The following STXBP5L variants were observed in gnomAD, a reference collection of about 807,000 sequenced individuals.
STXBP5L encodes the protein syntaxin-binding protein 5-like.
Under a neutral mutation model 144.5 loss-of-function variants are expected in STXBP5L, and 65 were observed. The ratio of observed to expected loss-of-function variants is 0.45; its 90% CI spans 0.37 to 0.55. STXBP5L has a LOEUF of 0.55. Ranked by LOEUF, STXBP5L falls within the 20% of genes least tolerant of loss-of-function variation. STXBP5L has a pLI of 0.00. For missense variants in STXBP5L, 1,298 were observed against 1,405.5 expected (o/e 0.92, Z 1.22); for synonymous variants, 505 against 469.6 (o/e 1.08, Z -0.97).
intron 9 of STXBP5L, among the ~76,000 whole-genome samples, chr3:121,197,198 T>A (rs2047954700): frequency 6.6e-6 from 1 of 152,172 alleles, no homozygotes; most frequent in Admixed American, 6.6e-5. Context: ...TATTTCCATG[T>A]TATGTCCTTT....
intron 2 of STXBP5L, among the ~76,000 whole-genome samples, chr3:120,928,555 C>T (rs1709760242): frequency 6.6e-6 from 1 of 152,100 alleles, no homozygotes; most frequent in South Asian, 2.1e-4. Context: ...GCCACCGCAC[C>T]TGGCCTAAAT....
intron 20 of STXBP5L, among the ~76,000 whole-genome samples, chr3:121,321,805 A>G (rs538974557): frequency 6.6e-6 from 1 of 152,266 alleles, no homozygotes; most frequent in Non-Finnish European, 1.5e-5. Flanking sequence ...TAGGCAAACC[A>G]GAAACCAGTA....
At chr3:121,202,194 A>G (rs1018840119) in intron 9 of STXBP5L, among the ~76,000 whole-genome samples, 3 of 152,190 alleles carry the variant, frequency 2.0e-5, no homozygotes, top group Admixed American at 1.3e-4. Context: ...TTGACAAAAA[A>G]TGTAGATCAA....
intron 3 of STXBP5L, among the ~76,000 whole-genome samples, chr3:120,991,562 C>G (rs1227329503): frequency 6.6e-6 from 1 of 152,162 alleles, no homozygotes; most frequent in African/African-American, 2.4e-5. Context: ...TTCACAATAG[C>G]AAAGACTTGG....
chr3:121,003,712 C>G (rs1471260935), intron 3 of STXBP5L, among the ~76,000 whole-genome samples: 1 of 152,122 alleles, frequency 6.6e-6, no homozygotes, highest in Non-Finnish European at 1.5e-5. Context: ...TTTAATCCAT[C>G]TTGAATTAAT....
At chr3:120,923,880 T>C (rs1045603585) in intron 2 of STXBP5L, among the ~76,000 whole-genome samples, 57 of 152,118 alleles carry the variant, frequency 3.7e-4, no homozygotes, top group African/African-American at 1.3e-3. Context: ...TTTACAGTGA[T>C]GTTTGTTGAC....
At chr3:121,049,447 A>T (rs1310925060) in intron 5 of STXBP5L, among the ~76,000 whole-genome samples, 2 of 152,126 alleles carry the variant, frequency 1.3e-5, no homozygotes, top group African/African-American at 2.4e-5. Flanking sequence ...ACTTTTCCTT[A>T]AGGTGGCTGC....
chr3:121,076,628 C>T lies in STXBP5L; in HGVS notation c.470+31093C>T, dbSNP rs182696406. Among the ~76,000 whole-genome samples the T allele has an allele frequency of 3.4e-4, 52 of 152,250 alleles. 1 individual carries two copies. In the East Asian group the frequency reaches 8.3e-3, roughly 24 times the overall value. Reference sequence around the variant, plus strand: ...AAGCCTGGTGACCACCCAAAACACTCGGCCAATTATCTCCCTGTCTATTTT... The same window carrying T: ...AAGCCTGGTGACCACCCAAAACACTTGGCCAATTATCTCCCTGTCTATTTT... On this transcript the variant is annotated intron_variant, in intron 5 of 26. Coordinates refer to ENST00000471454, the MANE Select transcript of STXBP5L (RefSeq NM_001308330.2).
chr3:121,031,844 A>G (rs1330997692), intron 3 of STXBP5L, among the ~76,000 whole-genome samples: 1 of 152,128 alleles, frequency 6.6e-6, no homozygotes, highest in East Asian at 1.9e-4. Context: ...GCTTCAAAGT[A>G]GAATTGACTA....
intron 22 of STXBP5L, among the ~76,000 whole-genome samples, chr3:121,395,993 G>A (rs1261020167): frequency 3.9e-5 from 6 of 152,186 alleles, no homozygotes; most frequent in African/African-American, 1.4e-4. Flanking sequence ...ATCCAAATTG[G>A]CTGTTGATTT....
intron 5 of STXBP5L, among the ~76,000 whole-genome samples, chr3:121,051,567 T>A (rs1234381463): frequency 3.9e-5 from 6 of 152,218 alleles, no homozygotes; most frequent in Non-Finnish European, 7.4e-5. Flanking sequence ...TACCAGAATC[T>A]CTGGGACACA....
At chr3:121,181,953 A>AG (rs890702810) in intron 9 of STXBP5L, among the ~76,000 whole-genome samples, 1 of 152,024 alleles carries the variant, frequency 6.6e-6, no homozygotes, top group Non-Finnish European at 1.5e-5. Flanking sequence ...AGTTAAAAAA[A>AG]AAAAAAAGAA....
intron 5 of STXBP5L, among the ~76,000 whole-genome samples, chr3:121,098,422 C>T (rs1394987964): frequency 6.6e-6 from 1 of 152,172 alleles, no homozygotes; most frequent in East Asian, 1.9e-4. Flanking sequence ...AGGGTAAGAA[C>T]TCCCTCATTA....
At chr3:121,213,107 T>G (rs987607460) in intron 10 of STXBP5L, among the ~76,000 whole-genome samples, 9 of 152,226 alleles carry the variant, frequency 5.9e-5, no homozygotes, top group Non-Finnish European at 1.5e-5. Flanking sequence ...AAGGAGATTT[T>G]GGGCTGAGAC....
intron 2 of STXBP5L, among the ~76,000 whole-genome samples, chr3:120,944,146 G>A (rs944694301): frequency 2.0e-5 from 3 of 151,316 alleles, no homozygotes; most frequent in African/African-American, 7.3e-5. Context: ...AAGTATGCTT[G>A]TATGTGTAAT....
Position 121,320,149 on chromosome 3 carries a change from G to A in STXBP5L, c.2176+1609G>A, listed in dbSNP as rs180734647. 1.9e-3 allele frequency among the ~76,000 whole-genome samples: 289 copies of A among 152,054 alleles called. 1 individual carries two copies. The South Asian group carries it at 0.02, about 10-fold the overall frequency. On this transcript the variant is annotated intron_variant, in intron 20 of 26. Coordinates refer to ENST00000471454, the MANE Select transcript of STXBP5L (RefSeq NM_001308330.2). ...CATATTCAACAATATTGAATTTTTCGTTTAGTATCTCTCTGTTTATGTGTG... is the reference window on the plus strand; with the variant it reads ...CATATTCAACAATATTGAATTTTTCATTTAGTATCTCTCTGTTTATGTGTG...
chr3:121,284,592 A>G (rs2051168681), intron 19 of STXBP5L, among the ~76,000 whole-genome samples: 1 of 152,102 alleles, frequency 6.6e-6, no homozygotes, highest in Admixed American at 6.6e-5. Context: ...AGCACAAGTC[A>G]CAAGGTCTCT....
At chr3:121,392,914 A>G (rs1211896219) in intron 22 of STXBP5L, among the ~76,000 whole-genome samples, 1 of 150,764 alleles carries the variant, frequency 6.6e-6, no homozygotes, top group Non-Finnish European at 1.5e-5. Flanking sequence ...TGTCTTTTTG[A>G]TATGATTATT....
chr3:121,048,201 T>A (rs1212363866), intron 5 of STXBP5L, among the ~76,000 whole-genome samples: 1 of 151,900 alleles, frequency 6.6e-6, no homozygotes, highest in Non-Finnish European at 1.5e-5. Flanking sequence ...TTGTAAGGTT[T>A]CTATTGAAAG....
Sources: allele counts gnomAD v4.1 joint callset (sites outside exome capture counted in the v4.1 genomes callset), GRCh38; gene constraint gnomAD v4.1.1; transcripts MANE v1.5; gene names NCBI Gene and HGNC (gene_info 2026-07-23, HGNC 2026-07-21).